Variants in TRIM14 observed in about 807,000 individuals in gnomAD.
The protein encoded by TRIM14 is tripartite motif-containing protein 14.
TRIM14 carries 28 observed loss-of-function variants against 44.5 expected under a neutral mutation model. That is an observed-to-expected ratio of 0.63 (90% CI 0.47 to 0.86). The LOEUF is 0.86. Among genes scored for constraint, TRIM14 ranks in the 40% least tolerant of loss-of-function variants. The probability of loss-of-function intolerance (pLI) is 0.00; values close to 1 mark genes in which losing one functional copy is unlikely to be tolerated. For synonymous variants in TRIM14, 299 were observed against 269.2 expected (o/e 1.11, Z -1.08); for missense variants, 607 against 611.1 (o/e 0.99, Z 0.07).
chr9:98,107,612 G>A (rs558041076), intron 2 of TRIM14, among the ~76,000 whole-genome samples: 2 of 152,160 alleles, frequency 1.3e-5, no homozygotes, highest in South Asian at 2.1e-4. Context: ...TAATTGCCAG[G>A]GGTTAGGGAT....
chr9:98,105,922 G>A (rs7865340), intron 2 of TRIM14, among the ~76,000 whole-genome samples: 51,833 of 152,094 alleles, frequency 0.34, 10,247 homozygotes, highest in African/African-American at 0.54. Context: ...CAGGGTCACA[G>A]GTGAAAAGAA....
At chr9:98,072,741 G>A (rs1829399193) in intron 6 of TRIM14, among the ~76,000 whole-genome samples, 1 of 152,146 alleles carries the variant, frequency 6.6e-6, no homozygotes, top group Admixed American at 6.5e-5. Context: ...CTTTACGAGA[G>A]TTAATTTACC....
rs569999269 is a variant in TRIM14, at chr9:98,109,904, G to A, written c.288C>T (p.Ala96=). The A allele has an allele frequency of 1.4e-5, 22 of 1,613,388 alleles. No homozygotes were observed. In the East Asian group the frequency reaches 4.7e-4, roughly 34 times the overall value. ...HIDNITQIED[A]TEKLKANAES... ...GTCCACTTGCCTTGAGCTTCTCGGT[G>A]GCATCTTCTATCTGGGTTATGTTGT... Residue 96 remains alanine (A), a synonymous_variant, in exon 2 of 6, where the codon GCC becomes GCT. Transcript: ENST00000341469.
Position 98,095,164 on chromosome 9 carries a change from G to C in TRIM14, c.538-135C>G. 1 of 1,123,192 alleles carries C rather than the reference G, an allele frequency of 8.9e-7. No individual in the cohort carries two copies. The highest frequency in any genetic ancestry group is 2.8e-5 in the Admixed American group (1 of 35,570). 69.6% of individuals were successfully genotyped at this position (1,123,192 alleles called of 1,614,324 possible). ...TGGCCTGGCACCTATGGTCAGCCCA[G>C]GCCATGCCTGCAGGAGCAGAGCCCT... is the stretch of plus-strand genomic sequence containing the variant. On this transcript the variant is annotated intron_variant, in intron 3 of 5. Coordinates refer to ENST00000341469, the MANE Select transcript of TRIM14 (RefSeq NM_014788.4). The surrounding 1 kb of genome is among the most constrained non-coding windows in gnomAD (Gnocchi z 4.1).
intron 6 of TRIM14, among the ~76,000 whole-genome samples, chr9:98,070,807 A>ATTT (rs11464981): frequency 4.1e-5 from 6 of 144,734 alleles, no homozygotes; most frequent in Admixed American, 2.1e-4. Flanking sequence ...CTCTTTAGTA[A>ATTT]TTTTTTTTTT....
At chr9:98,106,825 CTTTTTTT>C (rs990996900) in intron 2 of TRIM14, among the ~76,000 whole-genome samples, 1 of 116,188 alleles carries the variant, frequency 8.6e-6, no homozygotes, top group Non-Finnish European at 1.8e-5. Flanking sequence ...TTTCTTTCTT[CTTTTTTT>C]TTTTTTTTTT....
At chr9:98,048,967 C>T in the TRIM14 span, among the ~76,000 whole-genome samples, 10 of 151,550 alleles carry the variant, frequency 6.6e-5, no homozygotes, top group Non-Finnish European at 1.5e-4. Context: ...TTGCAGAGAG[C>T]CGAGATCATG....
downstream of TRIM14, among the ~76,000 whole-genome samples, chr9:98,064,298 A>G (rs142712046): frequency 0.011 from 1,676 of 152,152 alleles, 14 homozygotes; most frequent in Non-Finnish European, 0.014. Flanking sequence ...CTGTTGCTCA[A>G]GCTGGAGTGC....
chr9:98,111,874 G>T (rs1431058201), intron 1 of TRIM14, among the ~76,000 whole-genome samples: 1 of 152,136 alleles, frequency 6.6e-6, no homozygotes, highest in Non-Finnish European at 1.5e-5. Flanking sequence ...GGAGGCAGAG[G>T]TTGCAGTGAG....
At chr9:98,093,864 G>C (rs970276633) in intron 4 of TRIM14, among the ~76,000 whole-genome samples, 3 of 152,122 alleles carry the variant, frequency 2.0e-5, no homozygotes, top group Admixed American at 2.0e-4. Context: ...TCCTGCCTCA[G>C]CTTCCCGAGT....
intron 1 of TRIM14, among the ~76,000 whole-genome samples, chr9:98,117,039 C>T (rs1647439691): frequency 6.6e-6 from 1 of 152,080 alleles, no homozygotes; most frequent in Non-Finnish European, 1.5e-5. Flanking sequence ...ACCTGTTATG[C>T]ACACCTGTTA....
At chr9:98,113,433 C>T (rs1826932094) in intron 1 of TRIM14, among the ~76,000 whole-genome samples, 1 of 152,190 alleles carries the variant, frequency 6.6e-6, no homozygotes, top group African/African-American at 2.4e-5. Flanking sequence ...TGGCTCACTG[C>T]AGCCTTGACC....
At chr9:98,059,740 T>A in the TRIM14 span, among the ~76,000 whole-genome samples, 1 of 152,234 alleles carries the variant, frequency 6.6e-6, no homozygotes, top group South Asian at 2.1e-4. Flanking sequence ...GTTTTTTTTT[T>A]TTTATAGTCA....
chr9:98,098,881 C>G (rs1587957664), intron 3 of TRIM14, among the ~76,000 whole-genome samples: 1 of 151,974 alleles, frequency 6.6e-6, no homozygotes, highest in Non-Finnish European at 1.5e-5. Flanking sequence ...TTTGCCTCCC[C>G]GATTCAAGTG....
chr9:98,079,993 C>T (rs144038546), downstream of TRIM14, among the ~76,000 whole-genome samples: 774 of 152,298 alleles, frequency 5.1e-3, 3 homozygotes, highest in African/African-American at 0.017. Flanking sequence ...GCAGGTGGAC[C>T]GCTTGAGGCC....
chr9:98,106,407 C>G (rs959603925), intron 2 of TRIM14, among the ~76,000 whole-genome samples: 2 of 152,212 alleles, frequency 1.3e-5, no homozygotes, highest in African/African-American at 4.8e-5. Flanking sequence ...GTTGTTAACA[C>G]TGAAGGAAGT....
At chr9:98,051,658 G>A in the TRIM14 span, among the ~76,000 whole-genome samples, 3 of 152,122 alleles carry the variant, frequency 2.0e-5, no homozygotes, top group African/African-American at 4.8e-5. Context: ...CCCATGATGT[G>A]GGTTAAGAGG....
At chr9:98,056,663 G>C in the TRIM14 span, 1 of 1,265,508 alleles carries the variant, frequency 7.9e-7, no homozygotes, top group South Asian at 1.5e-5. Context: ...GCGGGGCCTA[G>C]GGGATTGGCT....
intron 5 of TRIM14, among the ~76,000 whole-genome samples, chr9:98,090,756 G>T (rs1235426813): frequency 6.6e-6 from 1 of 152,054 alleles, no homozygotes; most frequent in African/African-American, 2.4e-5. Context: ...TGGAGACAGG[G>T]TTTCACCATG....
Sources: allele counts gnomAD v4.1 joint callset (sites outside exome capture counted in the v4.1 genomes callset), GRCh38; gene constraint gnomAD v4.1.1; non-coding constraint Gnocchi (gnomAD v3.1); transcripts MANE v1.5; gene names NCBI Gene and HGNC (gene_info 2026-07-23, HGNC 2026-07-21).